The following RFTN1 variants were observed in gnomAD, a reference collection of about 807,000 sequenced individuals.
The protein encoded by RFTN1 is raftlin, lipid raft linker 1, also known as raftlin.
RFTN1 carries 26 observed loss-of-function variants against 46.5 expected under a neutral mutation model. That is an observed-to-expected ratio of 0.56 (90% CI 0.41 to 0.78). RFTN1 has a LOEUF of 0.78. Among genes scored for constraint, RFTN1 ranks in the 30% least tolerant of loss-of-function variants. The probability of loss-of-function intolerance (pLI) is 0.00; values close to 1 mark genes in which losing one functional copy is unlikely to be tolerated. For missense variants in RFTN1, 693 were observed against 718.7 expected (o/e 0.96, Z 0.41); for synonymous variants, 261 against 284.2 (o/e 0.92, Z 0.82).
At chr3:16,488,553 C>T (rs1388398199) in intron 2 of RFTN1, among the ~76,000 whole-genome samples, 2 of 152,176 alleles carry the variant, frequency 1.3e-5, no homozygotes, top group East Asian at 3.8e-4. Context: ...TAAAAATCTG[C>T]TATGGTTAAA....
chr3:16,359,082 A>G (rs1219268806), intron 6 of RFTN1, among the ~76,000 whole-genome samples: 2 of 151,300 alleles, frequency 1.3e-5, no homozygotes, highest in Non-Finnish European at 2.9e-5. Context: ...TTGACCCTAT[A>G]GAATACACTA....
Position 16,321,236 on chromosome 3 carries a change from G to A in RFTN1, c.1332+2140C>T, listed in dbSNP as rs920640246. Among the ~76,000 whole-genome samples the A allele has an allele frequency of 6.6e-6, 1 of 152,166 alleles. No individual in the cohort carries two copies. The highest frequency in any genetic ancestry group is 2.4e-5 in the African/African-American group (1 of 41,418). On this transcript the variant is annotated intron_variant, in intron 9 of 9. Coordinates refer to ENST00000334133, the MANE Select transcript of RFTN1 (RefSeq NM_015150.2). The surrounding 1 kb of genome is among the most constrained non-coding windows in gnomAD (Gnocchi z 4.8). Reference sequence around the variant, plus strand: ...TGGAGCTGGAGTCTTGGGGTGCAGTGAGGGCTGAAAATGCAGGCGGAATGG... The same window carrying A: ...TGGAGCTGGAGTCTTGGGGTGCAGTAAGGGCTGAAAATGCAGGCGGAATGG...
chr3:16,474,403 T>C lies in RFTN1; in HGVS notation c.145+19322A>G, dbSNP rs1339819426. On this transcript the variant is annotated intron_variant, in intron 2 of 9. Coordinates refer to ENST00000334133, the MANE Select transcript of RFTN1 (RefSeq NM_015150.2). The surrounding 1 kb of genome is among the most constrained non-coding windows in gnomAD (Gnocchi z 5.5). ...TTCCCTGACATGCAGGGTGATGGAC[T>C]GCTACACAGCTGCTGATTAATTAGT... Among the ~76,000 whole-genome samples the C allele has an allele frequency of 6.6e-6, 1 of 152,232 alleles. No homozygotes were observed. Among genetic ancestry groups the C allele is most frequent in the Non-Finnish European group, 1.5e-5 (1 of 68,032 alleles).
At chr3:16,392,370 C>T (rs1346954017) in intron 4 of RFTN1, among the ~76,000 whole-genome samples, 1 of 152,076 alleles carries the variant, frequency 6.6e-6, no homozygotes, top group Non-Finnish European at 1.5e-5. Flanking sequence ...CCTCACATGC[C>T]ATGAGGTTAG....
chr3:16,384,200 C>T lies in RFTN1; in HGVS notation c.442-6098G>A, dbSNP rs1057447625. On this transcript the variant is annotated intron_variant, in intron 4 of 9. Coordinates refer to ENST00000334133, the MANE Select transcript of RFTN1 (RefSeq NM_015150.2). This position sits in a 1 kb window ranked among gnomAD's most constrained non-coding sequence, Gnocchi z 4.7. ...TCAAAGACTGCAACACCAGTCCTTA[C>T]CTGAATGTCCAGTCTGCTGGACTGC... is the stretch of plus-strand genomic sequence containing the variant. Among the ~76,000 whole-genome samples the T allele has an allele frequency of 2.0e-5, 3 of 152,208 alleles. No individual in the cohort carries two copies. Among genetic ancestry groups the T allele is most frequent in the African/African-American group, 7.2e-5 (3 of 41,442 alleles).
chr3:16,490,460 G>A (rs2076522462), intron 2 of RFTN1, among the ~76,000 whole-genome samples: 1 of 152,170 alleles, frequency 6.6e-6, no homozygotes, highest in African/African-American at 2.4e-5. Context: ...ATAGGGGGAG[G>A]ATCTGGGAAG....
At chr3:16,488,967 A>C (rs2076496480) in intron 2 of RFTN1, among the ~76,000 whole-genome samples, 1 of 152,252 alleles carries the variant, frequency 6.6e-6, no homozygotes, top group Non-Finnish European at 1.5e-5. Context: ...ACTGTGGTAC[A>C]ATCAAACAAC....
At position 16,320,488 on chromosome 3, in the gene RFTN1, C is replaced by G. The variant is rs903038065; in HGVS notation, c.1332+2888G>C. ...TTGAGCACCAACTAAAATCTGGGTA[C>G]ACAACACAGGAAAAAGGTCTTTGCT... On this transcript the variant is annotated intron_variant, in intron 9 of 9. Coordinates refer to ENST00000334133, the MANE Select transcript of RFTN1 (RefSeq NM_015150.2). The surrounding 1 kb of genome is among the most constrained non-coding windows in gnomAD (Gnocchi z 4.5). Among the ~76,000 whole-genome samples, 3 of 152,156 alleles carry G rather than the reference C, an allele frequency of 2.0e-5. No individual in the cohort carries two copies. Among genetic ancestry groups the G allele is most frequent in the African/African-American group, 7.2e-5 (3 of 41,406 alleles).
chr3:16,480,267 C>T lies in RFTN1; in HGVS notation c.145+13458G>A, dbSNP rs1036861112. Among the ~76,000 whole-genome samples the T allele has an allele frequency of 1.3e-5, 2 of 152,202 alleles. No homozygotes were observed. Among genetic ancestry groups the T allele is most frequent in the African/African-American group, 4.8e-5 (2 of 41,444 alleles). ...GCATTCCTTATAGTGCCATGTTGTA[C>T]TCATGCTTACAAACTAATTCTGAGC... is the stretch of plus-strand genomic sequence containing the variant. On this transcript the variant is annotated intron_variant, in intron 2 of 9. Coordinates refer to ENST00000334133, the MANE Select transcript of RFTN1 (RefSeq NM_015150.2). The surrounding 1 kb of genome is among the most constrained non-coding windows in gnomAD (Gnocchi z 4.3).
chr3:16,508,724 C>T (rs978192285), intron 1 of RFTN1, among the ~76,000 whole-genome samples: 1 of 150,800 alleles, frequency 6.6e-6, no homozygotes, highest in African/African-American at 2.4e-5. Context: ...ACACACACAC[C>T]CCTTTAAAAG....
chr3:16,463,931 G>A (rs2124933087), intron 2 of RFTN1, among the ~76,000 whole-genome samples: 1 of 152,254 alleles, frequency 6.6e-6, no homozygotes, highest in African/African-American at 2.4e-5. Context: ...CCTTTGCTAG[G>A]ACTTAGCCCT....
In RFTN1 at chr3:16,407,391, C is replaced by T. The variant is rs2074885144; in HGVS notation, c.441+1984G>A. 6.6e-6 allele frequency among the ~76,000 whole-genome samples: 1 copy of T among 151,676 alleles called. No homozygotes were observed. The highest frequency in any genetic ancestry group is 2.4e-5 in the African/African-American group (1 of 41,246). ...TTTTTTGGCAGAGATGGAGGTCTCA[C>T]TATGTTGCCCAGTCTAATCTCAAAC... On this transcript the variant is annotated intron_variant, in intron 4 of 9. Coordinates refer to ENST00000334133, the MANE Select transcript of RFTN1 (RefSeq NM_015150.2). This position sits in a 1 kb window ranked among gnomAD's most constrained non-coding sequence, Gnocchi z 4.0.
intron 2 of RFTN1, among the ~76,000 whole-genome samples, chr3:16,456,035 T>A (rs1242730988): frequency 7.2e-6 from 1 of 138,956 alleles, no homozygotes; most frequent in African/African-American, 2.6e-5. Flanking sequence ...ATCCACTTAC[T>A]ATTCTGTGAT....
At chr3:16,389,731 C>T (rs960468529) in intron 4 of RFTN1, among the ~76,000 whole-genome samples, 3 of 152,120 alleles carry the variant, frequency 2.0e-5, no homozygotes, top group African/African-American at 7.2e-5. Context: ...CAAAGATGGC[C>T]ACAACAATAT....
intron 2 of RFTN1, among the ~76,000 whole-genome samples, chr3:16,462,712 A>G (rs1450166658): frequency 6.6e-6 from 1 of 152,230 alleles, no homozygotes; most frequent in African/African-American, 2.4e-5. Context: ...GCTCCAAGAG[A>G]CTACGTATCT....
intron 4 of RFTN1, among the ~76,000 whole-genome samples, chr3:16,379,501 T>G (rs1409011996): frequency 6.6e-6 from 1 of 152,228 alleles, no homozygotes; most frequent in Non-Finnish European, 1.5e-5. Flanking sequence ...ATGAGGACAC[T>G]GGAGCCCAGA....
rs574206689 is a variant in RFTN1, at chr3:16,328,602, C to T, written c.1147-1726G>A. On this transcript the variant is annotated intron_variant, in intron 7 of 9. Transcript: ENST00000334133. ...GTATAAAATGGGTACTGGTCTATGT[C>T]GGTTCCCAAAGCATGGCCCGAGCCG... Among the ~76,000 whole-genome samples, 16 of 152,346 alleles carry T rather than the reference C, an allele frequency of 1.1e-4. 1 individual carries two copies. The highest frequency in any genetic ancestry group is 4.1e-4 in the South Asian group (2 of 4,822).
At chr3:16,488,327 G>T (rs1436641563) in intron 2 of RFTN1, among the ~76,000 whole-genome samples, 2 of 152,140 alleles carry the variant, frequency 1.3e-5, no homozygotes, top group Non-Finnish European at 2.9e-5. Flanking sequence ...TCGAACTCCT[G>T]ACCTCAGGTG....
rs917846306 is a variant in RFTN1 at position 16,474,846 on chromosome 3, C to G, written c.145+18879G>C. Among the ~76,000 whole-genome samples, 4 of 152,206 alleles carry G rather than the reference C, an allele frequency of 2.6e-5. No homozygotes were observed. Among genetic ancestry groups the G allele is most frequent in the African/African-American group, 4.8e-5 (2 of 41,442 alleles). ...AGCTGCATCAGTTCTATTTCTTCCC[C>G]AGCCAGAATACACAGGACTAGCCAT... On this transcript the variant is annotated intron_variant, in intron 2 of 9. Transcript: ENST00000334133. The surrounding 1 kb of genome is among the most constrained non-coding windows in gnomAD (Gnocchi z 5.5).
Sources: allele counts gnomAD v4.1 joint callset (sites outside exome capture counted in the v4.1 genomes callset), GRCh38; gene constraint gnomAD v4.1.1; non-coding constraint Gnocchi (gnomAD v3.1); transcripts MANE v1.5; gene names NCBI Gene and HGNC (gene_info 2026-07-23, HGNC 2026-07-21).